ACOT1: variants seen among roughly 807,000 people sequenced by gnomAD.
The protein encoded by ACOT1 is acyl-CoA thioesterase 1.
In ACOT1, 8 loss-of-function variants were observed where a neutral mutation model predicts 15.7. The ratio of observed to expected loss-of-function variants is 0.51; its 90% CI spans 0.30 to 0.92. ACOT1 has a LOEUF of 0.92. Among genes scored for constraint, ACOT1 ranks in the 40% least tolerant of loss-of-function variants. The probability of loss-of-function intolerance (pLI) is 0.06; values close to 1 mark genes in which losing one functional copy is unlikely to be tolerated. For missense variants in ACOT1, 151 were observed against 539.4 expected (o/e 0.28, Z 7.13); for synonymous variants, 67 against 241.2 (o/e 0.28, Z 6.69).
chr14:73,508,515 A>AGCACTTTGGGAGGCTG, the ACOT1 span, among the ~76,000 whole-genome samples: 2 of 152,112 alleles, frequency 1.3e-5, no homozygotes, highest in African/African-American at 4.8e-5. Flanking sequence ...TTGGGAGGCC[A>AGCACTTTGGGAGGCTG]AGGTGGGCGG....
At chr14:73,501,347 G>C in the ACOT1 span, among the ~76,000 whole-genome samples, 2 of 152,030 alleles carry the variant, frequency 1.3e-5, no homozygotes, top group South Asian at 4.1e-4. Flanking sequence ...GGATGGTCTT[G>C]ATCTCCTGAC....
chr14:73,493,269 A>G, the ACOT1 span: 2 of 638,298 alleles, frequency 3.1e-6, no homozygotes, highest in Non-Finnish European at 5.4e-6. Context: ...CAGATATTAG[A>G]TTTTTTTTGG....
At chr14:73,535,463 TTC>T (rs1888827062), upstream of ACOT1, among the ~76,000 whole-genome samples, 1 of 38,574 alleles carries the variant, frequency 2.6e-5, no homozygotes, top group Non-Finnish European at 5.4e-5. Flanking sequence ...TTTCTTTTTC[TTC>T]TTTCTTTTTT....
the ACOT1 span, chr14:73,490,933 A>G: frequency 7.9e-7 from 1 of 1,264,094 alleles, no homozygotes; most frequent in Non-Finnish European, 1.0e-6. Context: ...CCCCCTTCCC[A>G]GAGTGCACCG....
chr14:73,517,761 G>A, the ACOT1 span, among the ~76,000 whole-genome samples: 1 of 148,986 alleles, frequency 6.7e-6, no homozygotes, highest in African/African-American at 2.5e-5. Flanking sequence ...AAAGGGAGAA[G>A]GAAAGGAAGG....
chr14:73,526,027 G>A, the ACOT1 span, among the ~76,000 whole-genome samples: 7,338 of 151,714 alleles, frequency 0.048, 259 homozygotes, highest in Non-Finnish European at 0.077. Context: ...TTTTCACATC[G>A]TATCAAGAAG....
chr14:73,539,418 A>C lies in ACOT1; in HGVS notation c.457+1540A>C, dbSNP rs1419221324. 2 of 126,034 alleles carry C rather than the reference A, an allele frequency of 1.6e-5. 1 individual carries two copies. Among genetic ancestry groups the C allele is most frequent in the East Asian group, 1.3e-3 (2 of 1,540 alleles). The allele number at this position is 126,034 out of a possible 1,614,324, so 7.8% of individuals were successfully genotyped here. On this transcript the variant is annotated intron_variant, in intron 1 of 2. Transcript: ENST00000311148. ...GTCCATTGTCAGGATAATTCACTCC[A>C]CAAGCTGGGACTCCAGGTGCTGCTC... is the stretch of plus-strand genomic sequence containing the variant.
chr14:73,515,253 T>A, the ACOT1 span, among the ~76,000 whole-genome samples: 1 of 152,234 alleles, frequency 6.6e-6, no homozygotes, highest in East Asian at 1.9e-4. Context: ...TCTCATGTTC[T>A]AATCAGTCAC....
chr14:73,490,995 G>T, the ACOT1 span: 6 of 1,357,032 alleles, frequency 4.4e-6, no homozygotes, highest in South Asian at 2.0e-5. Flanking sequence ...CGGCCGGGCG[G>T]GGAAGACTGG....
the ACOT1 span, chr14:73,491,300 G>A: frequency 3.9e-6 from 6 of 1,536,176 alleles, no homozygotes; most frequent in Non-Finnish European, 5.2e-6. Context: ...AGCCCGGCGA[G>A]AGCCATACGG....
chr14:73,495,422 CAA>C, the ACOT1 span: 5 of 1,562,840 alleles, frequency 3.2e-6, no homozygotes, highest in East Asian at 1.1e-4. Context: ...AAAAACAAAA[CAA>C]AACACCTGTA....
the ACOT1 span, among the ~76,000 whole-genome samples, chr14:73,532,020 G>T: frequency 8.8e-6 from 1 of 113,956 alleles, no homozygotes; most frequent in African/African-American, 2.9e-5. Context: ...CAGCAAGAGT[G>T]AAGTGCAGTC....
the ACOT1 span, chr14:73,491,668 C>A: frequency 6.5e-7 from 1 of 1,550,110 alleles, no homozygotes. Context: ...CGCCAGATCA[C>A]TTTTACCGGC....
the ACOT1 span, chr14:73,493,269 A>AT: frequency 4.2e-5 from 27 of 638,116 alleles, no homozygotes; most frequent in South Asian, 6.9e-5. Context: ...CAGATATTAG[A>AT]TTTTTTTTGG....
the ACOT1 span, among the ~76,000 whole-genome samples, chr14:73,526,716 G>A: frequency 6.6e-6 from 1 of 152,228 alleles, no homozygotes; most frequent in African/African-American, 2.4e-5. Flanking sequence ...GCTCTGATGG[G>A]TCAGATTTAT....
At chr14:73,502,885 T>C in the ACOT1 span, 2 of 1,598,062 alleles carry the variant, frequency 1.3e-6, no homozygotes, top group South Asian at 1.1e-5. Context: ...TCATGTTGAC[T>C]GGGTCTTACC....
the ACOT1 span, chr14:73,508,057 C>G: frequency 1.5e-6 from 2 of 1,377,314 alleles, no homozygotes; most frequent in Non-Finnish European, 2.0e-6. Flanking sequence ...AGCTGCATTT[C>G]AGATTGCTTA....
At chr14:73,524,310 A>AAAAAAAAAAT in the ACOT1 span, among the ~76,000 whole-genome samples, 12 of 54,776 alleles carry the variant, frequency 2.2e-4, no homozygotes, top group Non-Finnish European at 3.4e-4. Context: ...AAAAAAAAAA[A>AAAAAAAAAAT]ATATATATAT....
the ACOT1 span, chr14:73,520,705 A>G: frequency 5.8e-6 from 4 of 695,408 alleles, no homozygotes; most frequent in Admixed American, 7.6e-5. Flanking sequence ...CTCCTGTGCT[A>G]GTGTGGGTGC....
Sources: gnomAD v4.1 joint callset for allele counts (sites outside exome capture counted in the v4.1 genomes callset) on GRCh38, gnomAD v4.1.1 for gene constraint, MANE v1.5 for transcripts, NCBI Gene and HGNC (gene_info 2026-07-23, HGNC 2026-07-21) for gene names.